The following KCNIP4 variants were observed in gnomAD, a reference collection of about 807,000 sequenced individuals.
The protein encoded by KCNIP4 is Kv channel-interacting protein 4.
In KCNIP4, 12 loss-of-function variants were observed where a neutral mutation model predicts 34.0. That is an observed-to-expected ratio of 0.35 (90% CI 0.23 to 0.57). KCNIP4 has a LOEUF of 0.57. KCNIP4 is among the 20% of genes least tolerant of loss of function. The pLI is 0.83. For synonymous variants in KCNIP4, 124 were observed against 102.2 expected (o/e 1.21, Z -1.29); for missense variants, 238 against 311.7 (o/e 0.76, Z 1.78).
chr4:21,831,484 C>T (rs1722987153), intron 1 of KCNIP4, among the ~76,000 whole-genome samples: 1 of 151,712 alleles, frequency 6.6e-6, no homozygotes, highest in African/African-American at 2.4e-5. Flanking sequence ...ACAACTGATA[C>T]CACAGAAATA....
At chr4:20,958,104 G>T (rs1354778806) in intron 1 of KCNIP4, among the ~76,000 whole-genome samples, 2 of 152,174 alleles carry the variant, frequency 1.3e-5, no homozygotes, top group South Asian at 2.1e-4. Context: ...TGGGTCTCTT[G>T]TTTCCTTAGT....
In KCNIP4 at chr4:21,019,685, T is replaced by A. The variant is rs188617580; in HGVS notation, c.62-136976A>T. Among the ~76,000 whole-genome samples the A allele has an allele frequency of 1.9e-3, 287 of 152,162 alleles. 6 individuals carry two copies. In the South Asian group the frequency reaches 0.053, roughly 28 times the overall value. Reference sequence around the variant, plus strand: ...ATTATTTTGTTCAAATCAAATACAGTGACATATATAATGCCACTGGAACAT... The same window carrying A: ...ATTATTTTGTTCAAATCAAATACAGAGACATATATAATGCCACTGGAACAT... On this transcript the variant is annotated intron_variant, in intron 1 of 8. Coordinates refer to ENST00000382152, the MANE Select transcript of KCNIP4 (RefSeq NM_025221.6).
At chr4:21,005,072 T>A (rs916155270) in intron 1 of KCNIP4, among the ~76,000 whole-genome samples, 16 of 152,144 alleles carry the variant, frequency 1.1e-4, no homozygotes, top group African/African-American at 3.9e-4. Context: ...AGTATAGACC[T>A]TTTCATATAA....
chr4:21,043,025 T>C (rs1742100030), intron 1 of KCNIP4, among the ~76,000 whole-genome samples: 1 of 152,230 alleles, frequency 6.6e-6, no homozygotes, highest in South Asian at 2.1e-4. Flanking sequence ...CCAAGTGCTT[T>C]GAAGGCTCTA....
intron 1 of KCNIP4, among the ~76,000 whole-genome samples, chr4:21,518,390 A>C (rs1022148120): frequency 6.6e-6 from 1 of 152,146 alleles, no homozygotes; most frequent in Non-Finnish European, 1.5e-5. Context: ...TTTTCTCTAC[A>C]GTGGAGGAGA....
At chr4:21,830,927 G>A (rs192801001) in intron 1 of KCNIP4, among the ~76,000 whole-genome samples, 1 of 152,236 alleles carries the variant, frequency 6.6e-6, no homozygotes, top group Admixed American at 6.5e-5. Flanking sequence ...AGTCTTCAGA[G>A]ATGTTCAAAA....
At chr4:21,174,325 T>G (rs1754239971) in intron 1 of KCNIP4, among the ~76,000 whole-genome samples, 1 of 152,236 alleles carries the variant, frequency 6.6e-6, no homozygotes. Context: ...GTTGTTAGAC[T>G]GTCCTGTGGT....
chr4:21,048,296 A>G (rs560922151), intron 1 of KCNIP4, among the ~76,000 whole-genome samples: 2 of 152,242 alleles, frequency 1.3e-5, no homozygotes, highest in South Asian at 4.1e-4. Flanking sequence ...TGGAACATGT[A>G]AACTCTAAAG....
chr4:21,870,073 A>G (rs1488678570), intron 1 of KCNIP4, among the ~76,000 whole-genome samples: 1 of 152,160 alleles, frequency 6.6e-6, no homozygotes, highest in African/African-American at 2.4e-5. Flanking sequence ...TTAGGAGGCC[A>G]TACTAGCTGT....
At chr4:21,177,730 G>A (rs879839693) in intron 1 of KCNIP4, among the ~76,000 whole-genome samples, 1 of 151,592 alleles carries the variant, frequency 6.6e-6, no homozygotes, top group Non-Finnish European at 1.5e-5. Flanking sequence ...GCATGGTGGT[G>A]GATGCTTCTC....
At chr4:21,192,921 ACTACTACTACTACTACTACTACTACT>A (rs1755761802) in intron 1 of KCNIP4, among the ~76,000 whole-genome samples, 11 of 143,128 alleles carry the variant, frequency 7.7e-5, no homozygotes, top group African/African-American at 1.6e-4. Context: ...CGTCTCTACT[ACTACTACTACTACTACTACTACTACT>A]ACTACTAATA....
chr4:20,776,980 G>C (rs553820257), intron 3 of KCNIP4, among the ~76,000 whole-genome samples: 1 of 152,298 alleles, frequency 6.6e-6, no homozygotes, highest in South Asian at 2.1e-4. Flanking sequence ...GACTGAAAGT[G>C]TGTGTGGCCT....
intron 1 of KCNIP4, among the ~76,000 whole-genome samples, chr4:21,034,957 G>A (rs1007634659): frequency 2.6e-5 from 4 of 152,190 alleles, no homozygotes; most frequent in Non-Finnish European, 5.9e-5. Context: ...CAATTTTGCA[G>A]AGCCCAGAGG....
intron 1 of KCNIP4, among the ~76,000 whole-genome samples, chr4:21,526,975 G>A (rs1057474090): frequency 4.6e-5 from 7 of 152,082 alleles, no homozygotes; most frequent in East Asian, 1.9e-4. Context: ...TTCAGGGAAC[G>A]GGTCTACCCC....
intron 1 of KCNIP4, among the ~76,000 whole-genome samples, chr4:21,213,729 A>G (rs921734522): frequency 6.6e-6 from 1 of 152,214 alleles, no homozygotes; most frequent in African/African-American, 2.4e-5. Flanking sequence ...TTAAAGAAAC[A>G]CAGAGAAATG....
At chr4:21,725,059 CTT>C (rs1715093761) in intron 1 of KCNIP4, among the ~76,000 whole-genome samples, 2 of 152,120 alleles carry the variant, frequency 1.3e-5, no homozygotes, top group South Asian at 4.1e-4. Context: ...ATCAGTCTGA[CTT>C]TGCGTCTAAA....
intron 1 of KCNIP4, among the ~76,000 whole-genome samples, chr4:21,783,653 T>C (rs1164773987): frequency 6.6e-6 from 1 of 152,124 alleles, no homozygotes; most frequent in Non-Finnish European, 1.5e-5. Flanking sequence ...CATAACAACA[T>C]GAATCTTCTG....
chr4:20,983,758 G>C, intron 1 of KCNIP4: 8 of 1,382,156 alleles, frequency 5.8e-6, no homozygotes, highest in Non-Finnish European at 6.9e-6. Context: ...TGCAGCATCT[G>C]TATCTACTTC....
At chr4:21,108,067 C>T (rs1250987376) in intron 1 of KCNIP4, among the ~76,000 whole-genome samples, 1 of 151,160 alleles carries the variant, frequency 6.6e-6, no homozygotes, top group African/African-American at 2.5e-5. Flanking sequence ...GTGAATCTGA[C>T]AATTATGTGT....
Sources: allele counts gnomAD v4.1 joint callset (sites outside exome capture counted in the v4.1 genomes callset), GRCh38; gene constraint gnomAD v4.1.1; transcripts MANE v1.5; gene names NCBI Gene and HGNC (gene_info 2026-07-23, HGNC 2026-07-21).